Variants in RANBP3 observed in about 807,000 individuals in gnomAD.
The protein encoded by RANBP3 is RAN binding protein 3.
Under a neutral mutation model 77.3 loss-of-function variants are expected in RANBP3, and 14 were observed. That is an observed-to-expected ratio of 0.18 (90% CI 0.12 to 0.28). RANBP3 has a LOEUF of 0.28. Ranked by LOEUF, RANBP3 falls within the 10% of genes least tolerant of loss-of-function variation. The probability of loss-of-function intolerance (pLI) is 1.00; values close to 1 mark genes in which losing one functional copy is unlikely to be tolerated. For synonymous variants in RANBP3, 315 were observed against 312.4 expected, an observed-to-expected ratio of 1.01 and a Z score of -0.09; for missense variants, 586 against 752.3, an observed-to-expected ratio of 0.78 and a Z score of 2.59.
rs773868894 is a variant in RANBP3 at position 5,923,931 on chromosome 19, G to A, written c.997-17C>T. The stretch of plus-strand genomic sequence containing the variant: ...TGGGGGGCTCTGCAGGGACACAAAA[G>A]CATACAAGGAAGAGGGCACTTGTGT... On this transcript the variant is annotated splice_polypyrimidine_tract_variant and intron_variant, in intron 11 of 16. Coordinates refer to ENST00000340578, the MANE Select transcript of RANBP3 (RefSeq NM_007322.3). 17 of 1,595,006 alleles carry A rather than the reference G, an allele frequency of 1.1e-5. No individual in the cohort carries two copies. The Admixed American group carries it at 2.7e-4, about 25-fold the overall frequency.
intron 15 of RANBP3, chr19:5,918,260 C>G: frequency 1.6e-6 from 1 of 618,226 alleles, no homozygotes; most frequent in Non-Finnish European, 2.7e-6. Flanking sequence ...CTGAACACAT[C>G]ACAACCCCTC....
chr19:5,962,592 T>C (rs1177357333), intron 1 of RANBP3: 26 of 451,756 alleles, frequency 5.8e-5, no homozygotes, highest in South Asian at 4.1e-4. Context: ...GATACAGCAA[T>C]AGGAGATGAA....
chr19:5,920,972 T>C (rs909967859), intron 14 of RANBP3: 4 of 387,464 alleles, frequency 1.0e-5, no homozygotes, highest in African/African-American at 2.1e-5. Flanking sequence ...ATTTTGACAC[T>C]AAGAGGGTCA....
At chr19:5,923,105 G>A (rs1317685412) in intron 13 of RANBP3, 89 bp downstream of exon 13, 3 of 1,045,902 alleles carry the variant, frequency 2.9e-6, no homozygotes, top group Admixed American at 3.8e-5. Context: ...GCAGGCCTGT[G>A]TGCTCAGAGG....
At position 5,933,403 on chromosome 19, in the gene RANBP3, A is replaced by T; in HGVS notation, c.472+11T>A. ...GAGCCACCCCCCGCCCCAGGGAGGT[A>T]GACGACCTACCTGCGCTGGGGGCTT... On this transcript the variant is annotated intron_variant, in intron 6 of 16. Coordinates refer to ENST00000340578, the MANE Select transcript of RANBP3 (RefSeq NM_007322.3). 6.2e-7 allele frequency: 1 copy of T among 1,606,928 alleles called. No individual in the cohort carries two copies.
In RANBP3 at chr19:5,921,843, CCGCCCCT is replaced by C. The variant is rs2057824581; in HGVS notation, c.1210-529_1210-523del. On this transcript the variant is annotated intron_variant, in intron 13 of 16. Coordinates refer to ENST00000340578, the MANE Select transcript of RANBP3 (RefSeq NM_007322.3). This position sits in a 1 kb window ranked among gnomAD's most constrained non-coding sequence, Gnocchi z 5.3. The stretch of plus-strand genomic sequence containing the variant: ...GGAGGAATGGAGTGACACACATGGT[CCGCCCCT>C]ACAGCGCATCTCACTCAGTCTTAAT... Among the ~76,000 whole-genome samples, 1 of 152,242 alleles carries C rather than the reference CCGCCCCT, an allele frequency of 6.6e-6. No homozygotes were observed. Among genetic ancestry groups the C allele is most frequent in the African/African-American group, 2.4e-5 (1 of 41,460 alleles).
At chr19:5,931,128 A>G (rs369761032) in intron 8 of RANBP3, among the ~76,000 whole-genome samples, 1 of 152,320 alleles carries the variant, frequency 6.6e-6, no homozygotes, top group African/African-American at 2.4e-5. Context: ...CCCTTCCGGC[A>G]GAACTCTGGG....
In RANBP3 at chr19:5,937,944, T is replaced by C. The variant is rs535433910; in HGVS notation, c.406+3677A>G. Reference sequence around the variant, plus strand: ...CAGAACCTGCCTCACCGTGGCAGGCTCTGTGCCCCCATCCAGACCACCACC... The same window carrying C: ...CAGAACCTGCCTCACCGTGGCAGGCCCTGTGCCCCCATCCAGACCACCACC... On this transcript the variant is annotated intron_variant, in intron 5 of 16. Transcript: ENST00000340578. 5.5e-4 allele frequency among the ~76,000 whole-genome samples: 84 copies of C among 152,280 alleles called. 1 individual carries two copies. The highest frequency in any genetic ancestry group is 3.5e-3 in the Admixed American group (53 of 15,302).
chr19:5,918,866 A>G (rs1019110124), intron 14 of RANBP3, among the ~76,000 whole-genome samples: 1 of 152,052 alleles, frequency 6.6e-6, no homozygotes, highest in African/African-American at 2.4e-5. Flanking sequence ...GAAGGCCACA[A>G]CTGCAGGTGG....
intron 1 of RANBP3, among the ~76,000 whole-genome samples, chr19:5,963,827 C>A (rs923151910): frequency 2.0e-5 from 3 of 152,184 alleles, no homozygotes; most frequent in African/African-American, 7.2e-5. Flanking sequence ...GCACCAAGTC[C>A]CACATGGCTG....
At chr19:5,947,919 G>T (rs1032550369) in intron 3 of RANBP3, among the ~76,000 whole-genome samples, 1 of 152,202 alleles carries the variant, frequency 6.6e-6, no homozygotes, top group African/African-American at 2.4e-5. Flanking sequence ...TTTGCCTAAG[G>T]AATGAAACAG....
chr19:5,927,918 A>G, intron 9 of RANBP3, 50 bp downstream of exon 9: 1 of 1,566,830 alleles, frequency 6.4e-7, no homozygotes. Flanking sequence ...CTGCTGTTGA[A>G]CCTGGGGAAG....
intron 14 of RANBP3, among the ~76,000 whole-genome samples, chr19:5,919,849 C>T (rs1162231544): frequency 5.5e-5 from 8 of 145,796 alleles, no homozygotes; most frequent in African/African-American, 1.5e-4. Context: ...TGCGGTGGGC[C>T]GAAACGAAGC....
chr19:5,974,618 C>T (rs531896265), intron 1 of RANBP3, among the ~76,000 whole-genome samples: 16 of 152,208 alleles, frequency 1.1e-4, no homozygotes, highest in Admixed American at 3.3e-4. Flanking sequence ...ATCCATGAGG[C>T]GTTCACCATG....
At position 5,933,408 on chromosome 19, in the gene RANBP3, A is replaced by T. The variant is rs1480836338; in HGVS notation, c.472+6T>A. On this transcript the variant is annotated splice_donor_region_variant and intron_variant, in intron 6 of 16. Transcript: ENST00000340578. Reference sequence around the variant, plus strand: ...ACCCCCCGCCCCAGGGAGGTAGACGACCTACCTGCGCTGGGGGCTTGGCCG... The same window carrying T: ...ACCCCCCGCCCCAGGGAGGTAGACGTCCTACCTGCGCTGGGGGCTTGGCCG... 2 of 1,608,834 alleles carry T rather than the reference A, an allele frequency of 1.2e-6. No homozygotes were observed. The highest frequency in any genetic ancestry group is 1.7e-5 in the Admixed American group (1 of 59,478).
At chr19:5,949,210 A>T (rs2058245444) in intron 3 of RANBP3, among the ~76,000 whole-genome samples, 1 of 152,206 alleles carries the variant, frequency 6.6e-6, no homozygotes, top group Admixed American at 6.5e-5. Context: ...ACAGAGTGAG[A>T]CCCAAATTTC....
At chr19:5,931,976 A>C (rs1340637041) in intron 7 of RANBP3, among the ~76,000 whole-genome samples, 1 of 152,186 alleles carries the variant, frequency 6.6e-6, no homozygotes, top group African/African-American at 2.4e-5. Flanking sequence ...TCGAGGCTGC[A>C]GTGAGCTATG....
chr19:5,918,387 A>AGGGGGGGGGGGGGGGGGGGGGGGGG, intron 15 of RANBP3, 109 bp downstream of exon 15: 8 of 529,916 alleles, frequency 1.5e-5, no homozygotes, highest in East Asian at 5.3e-5. Context: ...AAGCAACTGA[A>AGGGGGGGGGGGGGGGGGGGGGGGGG]GCCCCTCCCC....
intron 2 of RANBP3, among the ~76,000 whole-genome samples, 183 bp downstream of exon 2, chr19:5,957,735 G>A (rs1568473619): frequency 1.3e-5 from 2 of 151,946 alleles, no homozygotes; most frequent in East Asian, 1.9e-4. Context: ...CTCTCTCCAC[G>A]GTAACCTAAA....
Sources: gnomAD v4.1 joint callset for allele counts (sites outside exome capture counted in the v4.1 genomes callset) on GRCh38, gnomAD v4.1.1 for gene constraint, Gnocchi (gnomAD v3.1) non-coding constraint, MANE v1.5 for transcripts, NCBI Gene and HGNC (gene_info 2026-07-23, HGNC 2026-07-21) for gene names.